HMGCLL1: variants seen among roughly 807,000 people sequenced by gnomAD.
HMGCLL1 encodes the protein 3-hydroxymethyl-3-methylglutaryl-CoA lyase, cytoplasmic.
HMGCLL1 carries 36 observed loss-of-function variants against 39.1 expected under a neutral mutation model. The observed-to-expected ratio is 0.92, with a 90% CI of 0.71 to 1.22. The LOEUF is 1.22. Ranked by LOEUF, HMGCLL1 falls within the 50% of genes most tolerant of loss-of-function variation. The pLI, the probability that HMGCLL1 is intolerant of heterozygous loss-of-function variation, is 0.00. For synonymous variants in HMGCLL1, 149 were observed against 144.0 expected (o/e 1.03, Z -0.25); for missense variants, 451 against 416.5 (o/e 1.08, Z -0.72).
intron 7 of HMGCLL1, among the ~76,000 whole-genome samples, chr6:55,495,011 G>GAGC (rs1352034901): frequency 6.6e-6 from 1 of 152,122 alleles, no homozygotes; most frequent in Non-Finnish European, 1.5e-5. Flanking sequence ...TCCCATCATA[G>GAGC]AGCATGAAAT....
At chr6:55,610,558 A>T in the HMGCLL1 span, among the ~76,000 whole-genome samples, 2 of 152,136 alleles carry the variant, frequency 1.3e-5, no homozygotes, top group Admixed American at 1.3e-4. Flanking sequence ...CCTATGACTG[A>T]ATGGAGCACT....
intron 5 of HMGCLL1, among the ~76,000 whole-genome samples, chr6:55,501,271 A>C (rs550032749): frequency 8.6e-5 from 13 of 152,012 alleles, no homozygotes; most frequent in African/African-American, 2.9e-4. Context: ...AGGTTGGTAC[A>C]CTAAGGCCCA....
In HMGCLL1 at chr6:55,442,511, G is replaced by A. The variant is rs561017327; in HGVS notation, c.796-2952C>T. Reference sequence around the variant, plus strand: ...AGGGACTGTGGGTTTTCAACCACTTGCCTAGAGTTTCCTTTGCAAGACTGA... The same window carrying A: ...AGGGACTGTGGGTTTTCAACCACTTACCTAGAGTTTCCTTTGCAAGACTGA... On this transcript the variant is annotated intron_variant, in intron 7 of 8. Coordinates refer to ENST00000274901, the MANE Select transcript of HMGCLL1 (RefSeq NM_001042406.2). Among the ~76,000 whole-genome samples the A allele has an allele frequency of 2.6e-5, 4 of 152,222 alleles. No individual in the cohort carries two copies. In the East Asian group the frequency reaches 7.7e-4, roughly 29 times the overall value.
chr6:55,678,247 T>G, the HMGCLL1 span, among the ~76,000 whole-genome samples: 1 of 152,204 alleles, frequency 6.6e-6, no homozygotes, highest in Non-Finnish European at 1.5e-5. Context: ...TTCAGGTCTA[T>G]CTTTGCCTTT....
intron 6 of HMGCLL1, among the ~76,000 whole-genome samples, chr6:55,498,834 C>A (rs184343168): frequency 6.6e-6 from 1 of 151,964 alleles, no homozygotes; most frequent in Non-Finnish European, 1.5e-5. Flanking sequence ...TCTGATATAA[C>A]GGGCCAAAGT....
At chr6:55,608,438 G>A in the HMGCLL1 span, among the ~76,000 whole-genome samples, 29 of 151,996 alleles carry the variant, frequency 1.9e-4, no homozygotes, top group Admixed American at 1.7e-3. Flanking sequence ...CTCGGTTAGA[G>A]AATCAGGCAT....
intron 5 of HMGCLL1, among the ~76,000 whole-genome samples, chr6:55,504,638 G>A (rs1197301597): frequency 2.0e-5 from 3 of 150,416 alleles, no homozygotes; most frequent in Non-Finnish European, 3.0e-5. Flanking sequence ...TACTATGTAA[G>A]TAGTTGCTAG....
chr6:55,617,228 G>A, the HMGCLL1 span, among the ~76,000 whole-genome samples: 1 of 151,964 alleles, frequency 6.6e-6, no homozygotes, highest in Non-Finnish European at 1.5e-5. Flanking sequence ...TTGTTTTCTT[G>A]GCAAGTAGCC....
chr6:55,648,275 G>T, the HMGCLL1 span, among the ~76,000 whole-genome samples: 3 of 151,246 alleles, frequency 2.0e-5, no homozygotes, highest in Non-Finnish European at 4.4e-5. Flanking sequence ...ACTCATTTGG[G>T]TATATACCCA....
chr6:55,566,422 C>T, intron 1 of HMGCLL1: 1 of 265,788 alleles, frequency 3.8e-6, no homozygotes, highest in African/African-American at 2.2e-5. Flanking sequence ...AGTTTTCTGC[C>T]ATCTGTATTT....
chr6:55,571,895 C>G (rs1420919232), intron 1 of HMGCLL1, among the ~76,000 whole-genome samples: 3 of 152,054 alleles, frequency 2.0e-5, no homozygotes, highest in Admixed American at 1.3e-4. Flanking sequence ...ATATAAGCAG[C>G]TTATAAGACA....
At chr6:55,605,317 T>C in the HMGCLL1 span, among the ~76,000 whole-genome samples, 1 of 152,328 alleles carries the variant, frequency 6.6e-6, no homozygotes, top group South Asian at 2.1e-4. Flanking sequence ...TCCCTTCCCT[T>C]CCTTTCACAG....
the HMGCLL1 span, among the ~76,000 whole-genome samples, chr6:55,628,519 G>T: frequency 6.6e-6 from 1 of 151,652 alleles, no homozygotes; most frequent in Non-Finnish European, 1.5e-5. Context: ...AGCCAGGCTG[G>T]TCTTGAACAC....
At chr6:55,604,367 A>C in the HMGCLL1 span, among the ~76,000 whole-genome samples, 31 of 152,314 alleles carry the variant, frequency 2.0e-4, no homozygotes, top group East Asian at 5.8e-3. Flanking sequence ...TTATGTAGCA[A>C]GCACACATAA....
chr6:55,454,420 G>C (rs1185476672), intron 7 of HMGCLL1, among the ~76,000 whole-genome samples: 1 of 152,194 alleles, frequency 6.6e-6, no homozygotes, highest in Non-Finnish European at 1.5e-5. Context: ...GGCAGCAAAG[G>C]CTAAGTGAGA....
At chr6:55,509,863 G>A (rs1767351189) in intron 5 of HMGCLL1, among the ~76,000 whole-genome samples, 1 of 151,788 alleles carries the variant, frequency 6.6e-6, no homozygotes, top group Non-Finnish European at 1.5e-5. Flanking sequence ...AAAAATAGTA[G>A]ACGAAGAGAT....
chr6:55,460,529 T>C (rs766058003), intron 7 of HMGCLL1, among the ~76,000 whole-genome samples: 8 of 151,920 alleles, frequency 5.3e-5, no homozygotes, highest in Non-Finnish European at 1.2e-4. Context: ...GAAATCTTCA[T>C]GTTTTTCAAG....
the HMGCLL1 span, among the ~76,000 whole-genome samples, chr6:55,597,489 T>C: frequency 0.02 from 3,086 of 151,090 alleles, 103 homozygotes; most frequent in African/African-American, 0.069. Context: ...TAAGAGGGAA[T>C]TGAAGTACAA....
intron 5 of HMGCLL1, among the ~76,000 whole-genome samples, chr6:55,508,570 G>A (rs10948934): frequency 0.28 from 42,349 of 151,592 alleles, 7,327 homozygotes; most frequent in Non-Finnish European, 0.37. Context: ...GGAATTCATA[G>A]TAAAGTTAAT....
Sources: gnomAD v4.1 joint callset for allele counts (sites outside exome capture counted in the v4.1 genomes callset) on GRCh38, gnomAD v4.1.1 for gene constraint, MANE v1.5 for transcripts, NCBI Gene and HGNC (gene_info 2026-07-23, HGNC 2026-07-21) for gene names.